Variants in EPHA3 observed in about 807,000 individuals in gnomAD.
The protein encoded by EPHA3 is ephrin type-A receptor 3.
A neutral mutation model predicts 107.1 loss-of-function variants in EPHA3; 42 were observed. That is an observed-to-expected ratio of 0.39 (90% CI 0.31 to 0.51). The LOEUF is 0.51. EPHA3 is among the 20% of genes least tolerant of loss of function. The pLI, the probability that EPHA3 is intolerant of heterozygous loss-of-function variation, is 0.78. For missense variants in EPHA3, 1,183 were observed against 1,211.2 expected (o/e 0.98, Z 0.35); for synonymous variants, 461 against 424.8 (o/e 1.09, Z -1.05).
intron 3 of EPHA3, among the ~76,000 whole-genome samples, chr3:89,275,414 A>G (rs1237653434): frequency 6.6e-6 from 1 of 152,030 alleles, no homozygotes; most frequent in Non-Finnish European, 1.5e-5. Context: ...CTAAACCTTC[A>G]AAGTGTGTAG....
At chr3:89,284,892 T>G (rs1177013410) in intron 3 of EPHA3, among the ~76,000 whole-genome samples, 1 of 152,102 alleles carries the variant, frequency 6.6e-6, no homozygotes, top group African/African-American at 2.4e-5. Flanking sequence ...TTTGGGAGGC[T>G]GAGGAGGGTG....
chr3:89,122,882 G>C (rs1222860803), intron 1 of EPHA3, among the ~76,000 whole-genome samples: 1 of 152,128 alleles, frequency 6.6e-6, no homozygotes, highest in Non-Finnish European at 1.5e-5. Context: ...TATTTGAATA[G>C]GCAATTATTT....
chr3:89,268,901 A>G (rs148868197), intron 3 of EPHA3, among the ~76,000 whole-genome samples: 3 of 151,840 alleles, frequency 2.0e-5, no homozygotes, highest in African/African-American at 7.3e-5. Context: ...TTTATAAGTT[A>G]AGAAAAAAAA....
At chr3:89,348,074 C>A (rs1707716046) in intron 5 of EPHA3, among the ~76,000 whole-genome samples, 1 of 149,554 alleles carries the variant, frequency 6.7e-6, no homozygotes, top group African/African-American at 2.4e-5. Context: ...GTCTAAAATT[C>A]TCTTTTTTGG....
At chr3:89,232,652 T>G (rs1225624315) in intron 3 of EPHA3, among the ~76,000 whole-genome samples, 1 of 152,210 alleles carries the variant, frequency 6.6e-6, no homozygotes, top group Non-Finnish European at 1.5e-5. Flanking sequence ...AAATGCCACT[T>G]CTTAATTTTA....
intron 16 of EPHA3, among the ~76,000 whole-genome samples, 193 bp downstream of exon 16, chr3:89,472,812 T>C (rs879351797): frequency 6.6e-6 from 1 of 152,176 alleles, no homozygotes; most frequent in Non-Finnish European, 1.5e-5. Flanking sequence ...GATTGATACA[T>C]ATTGATGTGT....
At chr3:89,184,659 G>A (rs1468845897) in intron 2 of EPHA3, among the ~76,000 whole-genome samples, 6 of 151,982 alleles carry the variant, frequency 3.9e-5, no homozygotes, top group Non-Finnish European at 8.8e-5. Context: ...GCTTTTCCAA[G>A]CCAGAATTCT....
At chr3:89,309,285 A>T (rs575743838) in intron 3 of EPHA3, among the ~76,000 whole-genome samples, 1 of 152,298 alleles carries the variant, frequency 6.6e-6, no homozygotes, top group Non-Finnish European at 1.5e-5. Context: ...CTTAATTGTT[A>T]CATCAGCATT....
At chr3:89,234,227 A>G (rs1292592819) in intron 3 of EPHA3, among the ~76,000 whole-genome samples, 1 of 152,204 alleles carries the variant, frequency 6.6e-6, no homozygotes, top group Admixed American at 6.5e-5. Context: ...TAGAATAGAA[A>G]TTGCATTATT....
chr3:89,323,702 T>C (rs1455601634), intron 3 of EPHA3, among the ~76,000 whole-genome samples: 1 of 152,146 alleles, frequency 6.6e-6, no homozygotes, highest in Non-Finnish European at 1.5e-5. Flanking sequence ...ATAAGTACTA[T>C]ATTCTAAGAC....
In EPHA3 at chr3:89,472,446, G is replaced by T; in HGVS notation, c.2691-18G>T. The T allele has an allele frequency of 1.2e-6, 2 of 1,602,736 alleles. No homozygotes were observed. On this transcript the variant is annotated intron_variant, in intron 15 of 16. Transcript: ENST00000336596. ...CTGACTCCTGATCTGTCTCCCTTTG[G>T]TGTTTTTTTTCTTGCAGGCCATCAA...
At chr3:89,228,411 T>G (rs1704550050) in intron 3 of EPHA3, among the ~76,000 whole-genome samples, 1 of 151,914 alleles carries the variant, frequency 6.6e-6, no homozygotes, top group African/African-American at 2.4e-5. Flanking sequence ...ATAAATATAG[T>G]CTATCTACAA....
intron 5 of EPHA3, among the ~76,000 whole-genome samples, chr3:89,370,208 C>G (rs1161585361): frequency 3.3e-5 from 5 of 150,686 alleles, no homozygotes; most frequent in Admixed American, 6.6e-5. Context: ...ACATGCACAC[C>G]TATGTTTATT....
chr3:89,377,250 A>G (rs1348860304), intron 5 of EPHA3, among the ~76,000 whole-genome samples: 1 of 152,100 alleles, frequency 6.6e-6, no homozygotes, highest in Non-Finnish European at 1.5e-5. Flanking sequence ...CGAACATTAT[A>G]TTATGTGTAA....
intron 3 of EPHA3, among the ~76,000 whole-genome samples, chr3:89,214,693 A>G (rs1253340316): frequency 6.6e-6 from 1 of 151,818 alleles, no homozygotes; most frequent in Non-Finnish European, 1.5e-5. Context: ...TTTTCTTCCA[A>G]ACAGCAGTCA....
intron 5 of EPHA3, among the ~76,000 whole-genome samples, chr3:89,362,681 G>A (rs967204393): frequency 2.0e-5 from 3 of 150,908 alleles, no homozygotes; most frequent in South Asian, 4.2e-4. Context: ...GTGTGATTGG[G>A]TGTTTGTGAA....
chr3:89,114,099 A>G (rs1378509114), intron 1 of EPHA3, among the ~76,000 whole-genome samples: 1 of 152,240 alleles, frequency 6.6e-6, no homozygotes, highest in Non-Finnish European at 1.5e-5. Flanking sequence ...GGAGGAGGAA[A>G]GCAAGTGGCA....
At chr3:89,426,143 C>G (rs980354816) in intron 11 of EPHA3, among the ~76,000 whole-genome samples, 18 of 151,678 alleles carry the variant, frequency 1.2e-4, no homozygotes, top group African/African-American at 4.1e-4. Context: ...GCAAATGATA[C>G]AAGCTTTGTC....
intron 1 of EPHA3, among the ~76,000 whole-genome samples, chr3:89,126,891 T>A (rs1182525077): frequency 6.6e-6 from 1 of 151,822 alleles, no homozygotes; most frequent in African/African-American, 2.4e-5. Context: ...GCATTAATGT[T>A]GTTTTCTATT....
Sources: allele counts gnomAD v4.1 joint callset (sites outside exome capture counted in the v4.1 genomes callset), GRCh38; gene constraint gnomAD v4.1.1; transcripts MANE v1.5; gene names NCBI Gene and HGNC (gene_info 2026-07-23, HGNC 2026-07-21).